ITGBL1: variants seen among roughly 807,000 people sequenced by gnomAD.
The protein encoded by ITGBL1 is integrin subunit beta like 1.
Under a neutral mutation model 68.5 loss-of-function variants are expected in ITGBL1, and 51 were observed. The observed-to-expected ratio is 0.74, with a 90% CI of 0.59 to 0.94. The LOEUF is 0.94. Among genes scored for constraint, ITGBL1 ranks in the 40% least tolerant of loss-of-function variants. The pLI, the probability that ITGBL1 is intolerant of heterozygous loss-of-function variation, is 0.00. For synonymous variants in ITGBL1, 209 were observed against 227.3 expected (o/e 0.92, Z 0.72); for missense variants, 649 against 647.4 (o/e 1.00, Z -0.03).
intron 7 of ITGBL1, among the ~76,000 whole-genome samples, chr13:101,640,620 T>C (rs1294466338): frequency 6.6e-6 from 1 of 152,190 alleles, no homozygotes; most frequent in Non-Finnish European, 1.5e-5. Context: ...TATTTTATTT[T>C]AAAACCTTCA....
At chr13:101,627,920 G>C (rs568318459) in intron 7 of ITGBL1, among the ~76,000 whole-genome samples, 1 of 152,290 alleles carries the variant, frequency 6.6e-6, no homozygotes, top group African/African-American at 2.4e-5. Context: ...TTGGTTTGCA[G>C]GTTTTCATGT....
intron 2 of ITGBL1, among the ~76,000 whole-genome samples, chr13:101,512,887 A>T (rs193218394): frequency 2.7e-4 from 41 of 152,278 alleles, no homozygotes; most frequent in Admixed American, 2.2e-3. Flanking sequence ...TTCCTGTACC[A>T]GGACATAGCA....
At chr13:101,605,733 T>A (rs1352942667) in intron 7 of ITGBL1, among the ~76,000 whole-genome samples, 1 of 151,530 alleles carries the variant, frequency 6.6e-6, no homozygotes, top group Admixed American at 6.6e-5. Context: ...TGTACACGTA[T>A]GTAGACATAT....
intron 2 of ITGBL1, among the ~76,000 whole-genome samples, chr13:101,454,371 T>TG (rs2048209990): frequency 6.9e-6 from 1 of 144,382 alleles, no homozygotes; most frequent in Non-Finnish European, 1.5e-5. Context: ...TTTTTAAAGT[T>TG]GGGATCTTGC....
chr13:101,705,523 A>G (rs2034243042), intron 8 of ITGBL1, among the ~76,000 whole-genome samples: 1 of 152,150 alleles, frequency 6.6e-6, no homozygotes, highest in African/African-American at 2.4e-5. Flanking sequence ...GCACACGTTC[A>G]TGCTCTCAAT....
chr13:101,557,478 A>C (rs903664782), intron 2 of ITGBL1, among the ~76,000 whole-genome samples: 9 of 152,192 alleles, frequency 5.9e-5, no homozygotes, highest in African/African-American at 2.2e-4. Context: ...AAACCATGCA[A>C]TAATTATAAT....
chr13:101,486,428 A>C (rs1343151376), intron 2 of ITGBL1, among the ~76,000 whole-genome samples: 2 of 152,178 alleles, frequency 1.3e-5, no homozygotes, highest in Non-Finnish European at 2.9e-5. Context: ...AAAATCTCAG[A>C]AATCACCACT....
chr13:101,454,448 G>C (rs2048213927), intron 2 of ITGBL1, among the ~76,000 whole-genome samples: 1 of 141,688 alleles, frequency 7.1e-6, no homozygotes, highest in Non-Finnish European at 1.5e-5. Flanking sequence ...TCCCTCCTGA[G>C]CTTCCCAAAG....
chr13:101,690,207 AAC>A (rs1163869869), intron 7 of ITGBL1, among the ~76,000 whole-genome samples: 1 of 152,210 alleles, frequency 6.6e-6, no homozygotes, highest in Admixed American at 6.5e-5. Context: ...CCAGAATATT[AAC>A]ACTTTATTGT....
chr13:101,521,509 C>CAG (rs1270606353), intron 2 of ITGBL1, among the ~76,000 whole-genome samples: 1 of 152,054 alleles, frequency 6.6e-6, no homozygotes, highest in Non-Finnish European at 1.5e-5. Context: ...GGGAACAAGA[C>CAG]AGAGACCAGT....
At chr13:101,678,907 C>G (rs1310586424) in intron 7 of ITGBL1, among the ~76,000 whole-genome samples, 2 of 139,730 alleles carry the variant, frequency 1.4e-5, no homozygotes, top group Admixed American at 1.5e-4. Context: ...TCAAGAAACA[C>G]TTTTTTTAAT....
At chr13:101,698,197 G>A (rs2034046670) in intron 8 of ITGBL1, among the ~76,000 whole-genome samples, 2 of 152,186 alleles carry the variant, frequency 1.3e-5, no homozygotes, top group South Asian at 2.1e-4. Context: ...TATCCAACAT[G>A]TGGCCAGAGA....
chr13:101,598,943 A>G (rs1041951800), intron 7 of ITGBL1, among the ~76,000 whole-genome samples: 1 of 152,136 alleles, frequency 6.6e-6, no homozygotes, highest in African/African-American at 2.4e-5. Context: ...TCCCCTGGGT[A>G]TATGCCCAGT....
chr13:101,598,587 G>T (rs544700839), intron 7 of ITGBL1, among the ~76,000 whole-genome samples: 14 of 151,832 alleles, frequency 9.2e-5, no homozygotes, highest in Admixed American at 4.6e-4. Flanking sequence ...CCTCCCCGCT[G>T]CCCCCACCAC....
chr13:101,657,458 T>A (rs1331678232), intron 7 of ITGBL1, among the ~76,000 whole-genome samples: 1 of 152,188 alleles, frequency 6.6e-6, no homozygotes, highest in East Asian at 1.9e-4. Flanking sequence ...CATCAAACAT[T>A]TTCTTTAAAA....
At chr13:101,676,744 C>T (rs369661952) in intron 7 of ITGBL1, among the ~76,000 whole-genome samples, 8 of 152,024 alleles carry the variant, frequency 5.3e-5, no homozygotes, top group Admixed American at 5.2e-4. Flanking sequence ...GACAAAAATT[C>T]CAATAGGACT....
chr13:101,466,632 C>G (rs574637407), intron 2 of ITGBL1, among the ~76,000 whole-genome samples: 1 of 152,116 alleles, frequency 6.6e-6, no homozygotes, highest in Admixed American at 6.6e-5. Flanking sequence ...CATGATTTCA[C>G]GTGTTTTCTT....
At chr13:101,503,423 G>A (rs1161177877) in intron 2 of ITGBL1, among the ~76,000 whole-genome samples, 1 of 152,166 alleles carries the variant, frequency 6.6e-6, no homozygotes, top group Non-Finnish European at 1.5e-5. Context: ...CCAGGAATGG[G>A]AAACACTATT....
rs1291424789 is a variant in ITGBL1, at chr13:101,544,515, G to T, written c.317-23184G>T. The stretch of plus-strand genomic sequence containing the variant: ...CCTCGGGGGTCAGGGACCCACTTGA[G>T]GAGGCAGTCTGTCTGTTCTCAGTTG... On this transcript the variant is annotated intron_variant, in intron 2 of 10. Transcript: ENST00000376180. Among the ~76,000 whole-genome samples the T allele has an allele frequency of 5.3e-5, 8 of 152,140 alleles. No individual in the cohort carries two copies. In the South Asian group the frequency reaches 1.7e-3, roughly 31 times the overall value.
Sources: gnomAD v4.1 joint callset for allele counts (sites outside exome capture counted in the v4.1 genomes callset) on GRCh38, gnomAD v4.1.1 for gene constraint, MANE v1.5 for transcripts, NCBI Gene and HGNC (gene_info 2026-07-23, HGNC 2026-07-21) for gene names.